Variants in NDUFAF2 observed in about 807,000 individuals in gnomAD.
The protein encoded by NDUFAF2 is NADH dehydrogenase [ubiquinone] 1 alpha subcomplex assembly factor 2.
A neutral mutation model predicts 22.8 loss-of-function variants in NDUFAF2; 13 were observed. The observed-to-expected ratio is 0.57, with a 90% CI of 0.37 to 0.91. The LOEUF (loss-of-function observed/expected upper bound fraction) is 0.91. Among genes scored for constraint, NDUFAF2 ranks in the 40% least tolerant of loss-of-function variants. NDUFAF2 has a pLI of 0.01. For missense variants in NDUFAF2, 162 were observed against 195.2 expected (o/e 0.83, Z 1.01); for synonymous variants, 53 against 64.2 (o/e 0.83, Z 0.84).
intron 1 of NDUFAF2, among the ~76,000 whole-genome samples, chr5:60,985,143 AT>A (rs1751054271): frequency 6.6e-6 from 1 of 152,186 alleles, no homozygotes; most frequent in Non-Finnish European, 1.5e-5. Flanking sequence ...GTGTCAAGGA[AT>A]TTATCCATTT....
Position 61,152,871 on chromosome 5 carries a change from A to C in NDUFAF2, c.426A>C (p.Glu142Asp), listed in dbSNP as rs1326916757. Residue 142 changes from glutamate to aspartate, a missense_variant, in exon 4 of 4, where the codon GAA (glutamate) becomes GAC (aspartate). This residue lies in a region of NDUFAF2 where 68 missense variants were observed against 110.0 expected (regional missense o/e 0.62). Coordinates refer to ENST00000296597, the MANE Select transcript of NDUFAF2 (RefSeq NM_174889.5). ...HASAPYFGKE[E>D]PSVAPSSTGK... ...CTGCTCCATACTTTGGAAAGGAAGA[A>C]CCCTCAGTGGCTCCCAGCAGCACTG... 1.9e-6 allele frequency: 3 copies of C among 1,610,908 alleles called. No individual in the cohort carries two copies. Among genetic ancestry groups the C allele is most frequent in the African/African-American group, 1.3e-5 (1 of 74,772 alleles).
intron 1 of NDUFAF2, among the ~76,000 whole-genome samples, chr5:60,945,905 C>T (rs759093720): frequency 4.6e-5 from 7 of 152,190 alleles, no homozygotes; most frequent in African/African-American, 9.6e-5. Flanking sequence ...TCGGTGGCAC[C>T]CTGGCTCCGG....
intron 1 of NDUFAF2, 30 bp downstream of exon 1, chr5:60,945,412 T>G: frequency 6.2e-7 from 1 of 1,614,134 alleles, no homozygotes. Context: ...AGCGATTGCG[T>G]GGTCAGTGAT....
rs115512396 is a variant in NDUFAF2 at position 61,037,612 on chromosome 5, T to C, written c.128-35513T>C. Among the ~76,000 whole-genome samples the C allele has an allele frequency of 2.4e-3, 367 of 152,316 alleles. 2 individuals carry two copies. The highest frequency in any genetic ancestry group is 8.5e-3 in the African/African-American group (354 of 41,574). On this transcript the variant is annotated intron_variant, in intron 1 of 3. Coordinates refer to ENST00000296597, the MANE Select transcript of NDUFAF2 (RefSeq NM_174889.5). ...ATGTATGCAATGTGTATTCAACATA[T>C]TAAAAGCTCTGAAAAATCTTGCTAT... is the stretch of plus-strand genomic sequence containing the variant.
At chr5:61,116,148 A>G (rs1337825457) in intron 3 of NDUFAF2, 1 of 152,200 alleles carries the variant, frequency 6.6e-6, no homozygotes, top group Non-Finnish European at 1.5e-5. Flanking sequence ...ACTCTTACCA[A>G]CCAAGAAAAA....
At chr5:60,963,882 A>G (rs1159754611) in intron 1 of NDUFAF2, among the ~76,000 whole-genome samples, 1 of 152,218 alleles carries the variant, frequency 6.6e-6, no homozygotes, top group East Asian at 1.9e-4. Flanking sequence ...ATTTGAACAA[A>G]GACTTGAAGG....
At chr5:61,136,095 G>A (rs1000206618) in intron 3 of NDUFAF2, among the ~76,000 whole-genome samples, 17 of 141,338 alleles carry the variant, frequency 1.2e-4, no homozygotes, top group Non-Finnish European at 2.6e-4. Flanking sequence ...AAACATTTAG[G>A]ATTGTTCCTT....
intron 3 of NDUFAF2, among the ~76,000 whole-genome samples, chr5:61,142,034 G>A (rs1741067307): frequency 6.6e-6 from 1 of 152,122 alleles, no homozygotes. Context: ...GGAAAGCCAT[G>A]GGGATCTGAC....
chr5:60,975,426 C>T (rs78248415), intron 1 of NDUFAF2, among the ~76,000 whole-genome samples: 3,115 of 151,748 alleles, frequency 0.021, 55 homozygotes, highest in Non-Finnish European at 0.031. Context: ...TATTCAGTCT[C>T]GGGTTGTGTT....
intron 1 of NDUFAF2, among the ~76,000 whole-genome samples, chr5:61,019,223 T>G (rs1751548441): frequency 1.3e-5 from 2 of 152,114 alleles, no homozygotes; most frequent in Non-Finnish European, 2.9e-5. Context: ...TTTTTTCACT[T>G]GTTTCTTTAG....
chr5:61,141,926 T>C lies in NDUFAF2; in HGVS notation c.259-10778T>C, dbSNP rs145543849. On this transcript the variant is annotated intron_variant, in intron 3 of 3. Coordinates refer to ENST00000296597, the MANE Select transcript of NDUFAF2 (RefSeq NM_174889.5). Reference sequence around the variant, plus strand: ...CCGACAGCAGCTGGCACATAACAGCTCAATGAATGTTAGCAATCATTCACA... The same window carrying C: ...CCGACAGCAGCTGGCACATAACAGCCCAATGAATGTTAGCAATCATTCACA... Among the ~76,000 whole-genome samples the C allele has an allele frequency of 3.7e-3, 558 of 152,286 alleles. 4 individuals carry two copies. Among genetic ancestry groups the C allele is most frequent in the African/African-American group, 0.013 (525 of 41,560 alleles).
At chr5:61,031,511 T>A (rs1409963739) in intron 1 of NDUFAF2, among the ~76,000 whole-genome samples, 1 of 114,288 alleles carries the variant, frequency 8.7e-6, no homozygotes, top group African/African-American at 2.7e-5. Flanking sequence ...CTGCATAGTA[T>A]TCCATGGTAT....
chr5:60,952,123 GGTTT>G (rs1750555546), intron 1 of NDUFAF2, among the ~76,000 whole-genome samples: 2 of 151,530 alleles, frequency 1.3e-5, no homozygotes, highest in African/African-American at 4.8e-5. Flanking sequence ...TCTGATGAGT[GGTTT>G]GTTAATTTTA....
chr5:60,981,938 T>C (rs77901235), intron 1 of NDUFAF2, among the ~76,000 whole-genome samples: 3,657 of 152,168 alleles, frequency 0.024, 64 homozygotes, highest in Non-Finnish European at 0.037. Flanking sequence ...TCTCACCATA[T>C]ACAAAAATGA....
At chr5:60,970,719 A>G (rs951121533) in intron 1 of NDUFAF2, among the ~76,000 whole-genome samples, 2 of 152,156 alleles carry the variant, frequency 1.3e-5, no homozygotes, top group African/African-American at 4.8e-5. Context: ...TAGGACTTCC[A>G]GTACGTGTTA....
At chr5:60,956,670 T>C (rs1750620875) in intron 1 of NDUFAF2, among the ~76,000 whole-genome samples, 1 of 152,182 alleles carries the variant, frequency 6.6e-6, no homozygotes, top group Admixed American at 6.5e-5. Context: ...TTATCTCAAT[T>C]TTTTGAAGTG....
chr5:61,019,076 G>T (rs981268077), intron 1 of NDUFAF2, among the ~76,000 whole-genome samples: 3 of 152,076 alleles, frequency 2.0e-5, no homozygotes, highest in African/African-American at 7.2e-5. Flanking sequence ...GTAAAATAAA[G>T]ACATTATGCT....
rs574084221 is a variant in NDUFAF2, at chr5:60,949,492, A to G, written c.127+4110A>G. 4.6e-5 allele frequency among the ~76,000 whole-genome samples: 7 copies of G among 152,342 alleles called. No homozygotes were observed. The South Asian group carries it at 1.2e-3, about 27-fold the overall frequency. On this transcript the variant is annotated intron_variant, in intron 1 of 3. Coordinates refer to ENST00000296597, the MANE Select transcript of NDUFAF2 (RefSeq NM_174889.5). Reference sequence around the variant, plus strand: ...TGCAGTTTTTGGTGATTATGAATACAGCTGCAAGAAACATTCACATATGGG... The same window carrying G: ...TGCAGTTTTTGGTGATTATGAATACGGCTGCAAGAAACATTCACATATGGG...
At chr5:61,026,838 A>G (rs778755203) in intron 1 of NDUFAF2, among the ~76,000 whole-genome samples, 10 of 151,972 alleles carry the variant, frequency 6.6e-5, no homozygotes, top group African/African-American at 9.6e-5. Flanking sequence ...TGTTTAATGC[A>G]TATCTTGTGG....
Sources: gnomAD v4.1 joint callset for allele counts (sites outside exome capture counted in the v4.1 genomes callset) on GRCh38, gnomAD v4.1.1 for gene constraint, gnomAD v4.1.1 regional missense constraint, MANE v1.5 for transcripts, NCBI Gene and HGNC (gene_info 2026-07-23, HGNC 2026-07-21) for gene names.